The following CMTM8 variants were observed in gnomAD, a reference collection of about 807,000 sequenced individuals.
CMTM8 encodes CKLF-like MARVEL transmembrane domain-containing protein 8.
In CMTM8, 12 loss-of-function variants were observed where a neutral mutation model predicts 18.6. That is an observed-to-expected ratio of 0.65 (90% confidence interval 0.41 to 1.05). CMTM8 has a LOEUF of 1.05. Among genes scored for constraint, CMTM8 ranks in the 50% least tolerant of loss-of-function variants. The pLI is 0.00. For synonymous variants in CMTM8, 87 were observed against 90.6 expected (o/e 0.96, Z 0.23); for missense variants, 217 against 227.2 (o/e 0.95, Z 0.29).
chr3:32,267,252 G>C (rs1233753186), intron 1 of CMTM8, among the ~76,000 whole-genome samples: 1 of 152,110 alleles, frequency 6.6e-6, no homozygotes, highest in Admixed American at 6.6e-5. Flanking sequence ...CCAAAACAGA[G>C]ATATAGACCA....
At chr3:32,279,180 A>T (rs56677217) in intron 1 of CMTM8, among the ~76,000 whole-genome samples, 10,107 of 140,564 alleles carry the variant, frequency 0.072, 416 homozygotes, top group East Asian at 0.1. Context: ...TTTTTTTTTA[A>T]TTTTTTTTTT....
chr3:32,308,766 C>T (rs979317716), intron 1 of CMTM8, among the ~76,000 whole-genome samples: 2 of 152,100 alleles, frequency 1.3e-5, no homozygotes, highest in Non-Finnish European at 2.9e-5. Context: ...GACACAATGA[C>T]GCTTAGTGAA....
chr3:32,312,552 C>G (rs184215597), intron 1 of CMTM8, among the ~76,000 whole-genome samples: 1 of 152,134 alleles, frequency 6.6e-6, no homozygotes, highest in Non-Finnish European at 1.5e-5. Context: ...TTGGGGGTCA[C>G]CACCCTCCTG....
intron 1 of CMTM8, among the ~76,000 whole-genome samples, chr3:32,354,368 ATTCTT>A: frequency 6.6e-6 from 1 of 152,276 alleles, no homozygotes; most frequent in East Asian, 1.9e-4. Flanking sequence ...GGGTAGAACA[ATTCTT>A]TTCTTGACAG....
intron 1 of CMTM8, among the ~76,000 whole-genome samples, chr3:32,325,867 G>GAGC (rs151195891): frequency 0.011 from 1,678 of 152,304 alleles, 33 homozygotes; most frequent in African/African-American, 0.038. Context: ...CCAAAGGGGT[G>GAGC]AGCAGCTAAC....
chr3:32,292,711 A>G (rs1702801398), intron 1 of CMTM8, among the ~76,000 whole-genome samples: 1 of 152,016 alleles, frequency 6.6e-6, no homozygotes, highest in Non-Finnish European at 1.5e-5. Context: ...TGTTGTGTGC[A>G]TTGTGGGATG....
At chr3:32,349,962 C>T (rs553447827) in intron 1 of CMTM8, among the ~76,000 whole-genome samples, 31 of 152,122 alleles carry the variant, frequency 2.0e-4, no homozygotes, top group African/African-American at 6.7e-4. Context: ...GAGCCAAGAT[C>T]GCAGCACTGT....
chr3:32,268,695 GAT>G (rs1411856363), intron 1 of CMTM8, among the ~76,000 whole-genome samples: 1 of 152,158 alleles, frequency 6.6e-6, no homozygotes, highest in African/African-American at 2.4e-5. Context: ...CATCATGAGT[GAT>G]TCCAGCTTTG....
chr3:32,288,119 G>T (rs75105608), intron 1 of CMTM8, among the ~76,000 whole-genome samples: 12,487 of 152,180 alleles, frequency 0.082, 611 homozygotes, highest in South Asian at 0.16. Flanking sequence ...AACACAGTTG[G>T]CCTGACTTGC....
chr3:32,245,589 G>A (rs777710386), intron 1 of CMTM8, among the ~76,000 whole-genome samples: 1 of 152,100 alleles, frequency 6.6e-6, no homozygotes, highest in African/African-American at 2.4e-5. Context: ...TGATGACTTC[G>A]AAATGAATTA....
chr3:32,355,016 A>C (rs1381358199), intron 1 of CMTM8, among the ~76,000 whole-genome samples: 1 of 152,198 alleles, frequency 6.6e-6, no homozygotes, highest in East Asian at 1.9e-4. Flanking sequence ...AACATCAAGC[A>C]GATAAAAGAA....
At chr3:32,241,915 C>A (rs1342125596) in intron 1 of CMTM8, among the ~76,000 whole-genome samples, 2 of 152,166 alleles carry the variant, frequency 1.3e-5, no homozygotes, top group Non-Finnish European at 2.9e-5. Context: ...TAATTTAACC[C>A]TAGTTGTTTA....
chr3:32,274,669 C>T (rs1011553746), intron 1 of CMTM8, among the ~76,000 whole-genome samples: 1 of 152,170 alleles, frequency 6.6e-6, no homozygotes, highest in African/African-American at 2.4e-5. Context: ...TCAAATTTTA[C>T]CAAATTGTCC....
intron 1 of CMTM8, among the ~76,000 whole-genome samples, chr3:32,299,870 A>T (rs1695581923): frequency 6.6e-6 from 1 of 152,170 alleles, no homozygotes; most frequent in Non-Finnish European, 1.5e-5. Flanking sequence ...TGTAGGCCAA[A>T]ATATGTACTG....
At chr3:32,252,262 G>A (rs533418878) in intron 1 of CMTM8, among the ~76,000 whole-genome samples, 19 of 152,064 alleles carry the variant, frequency 1.2e-4, no homozygotes, top group African/African-American at 4.1e-4. Flanking sequence ...TTCTATTCCT[G>A]TGTGAATTCC....
chr3:32,346,157 AAAAAGAAAAGAAAAGAAAATTCT>A (rs1696590745), intron 1 of CMTM8, among the ~76,000 whole-genome samples: 1 of 152,194 alleles, frequency 6.6e-6, no homozygotes, highest in African/African-American at 2.4e-5. Context: ...TCCATCTCAA[AAAAAGAAAAGAAAAGAAAATTCT>A]AGAAATCAGC....
intron 1 of CMTM8, among the ~76,000 whole-genome samples, chr3:32,338,989 T>C (rs897251050): frequency 6.6e-6 from 1 of 152,198 alleles, no homozygotes; most frequent in African/African-American, 2.4e-5. Context: ...GTGGGAAACT[T>C]CATTTCTGTT....
At chr3:32,244,658 A>G (rs1701987601) in intron 1 of CMTM8, among the ~76,000 whole-genome samples, 1 of 152,004 alleles carries the variant, frequency 6.6e-6, no homozygotes, top group Non-Finnish European at 1.5e-5. Context: ...GACCTTTTGA[A>G]TTATTACCGT....
intron 1 of CMTM8, among the ~76,000 whole-genome samples, chr3:32,320,174 A>G (rs1395264991): frequency 6.6e-6 from 1 of 152,254 alleles, no homozygotes; most frequent in Non-Finnish European, 1.5e-5. Context: ...AAAACTGTAC[A>G]CAAGTGTCTT....
Sources: gnomAD v4.1 joint callset for allele counts (sites outside exome capture counted in the v4.1 genomes callset) on GRCh38, gnomAD v4.1.1 for gene constraint, MANE v1.5 for transcripts, NCBI Gene and HGNC (gene_info 2026-07-23, HGNC 2026-07-21) for gene names.